The following PCDHGA1 variants were observed in gnomAD, a reference collection of about 807,000 sequenced individuals.
PCDHGA1 encodes protocadherin gamma subfamily A, 1, also known as protocadherin gamma-A1.
In PCDHGA1, 32 loss-of-function variants were observed where a neutral mutation model predicts 58.0. The observed-to-expected ratio is 0.55, with a 90% CI of 0.42 to 0.74. PCDHGA1 has a LOEUF of 0.74. PCDHGA1 is among the 30% of genes least tolerant of loss of function. The pLI is 0.00. For missense variants in PCDHGA1, 1,205 were observed against 1,182.3 expected, an observed-to-expected ratio of 1.02 and a Z score of -0.28; for synonymous variants, 498 against 501.1, an observed-to-expected ratio of 0.99 and a Z score of 0.08.
In PCDHGA1 at chr5:141,389,259, G is replaced by T. The variant is rs374136353; in HGVS notation, c.2421+56154G>T. ...CTCACAGTCTTCCTATATAGTCCAC[G>T]TGGCCGAGAACAACCCGCCTGGAGC... On this transcript the variant is annotated intron_variant, in intron 1 of 3. Transcript: ENST00000517417. The T allele has an allele frequency of 1.4e-5, 22 of 1,613,888 alleles. No individual in the cohort carries two copies. The African/African-American group carries it at 2.4e-4, about 18-fold the overall frequency.
chr5:141,374,941 A>G, intron 1 of PCDHGA1: 1 of 1,614,040 alleles, frequency 6.2e-7, no homozygotes, highest in Non-Finnish European at 8.5e-7. Context: ...AGATTACAGA[A>G]AAGATCTCAC....
intron 1 of PCDHGA1, chr5:141,382,678 C>T (rs1778365964): frequency 2.3e-6 from 1 of 439,006 alleles, no homozygotes; most frequent in African/African-American, 2.0e-5. Flanking sequence ...TGTTCACCAA[C>T]CAGGGAAAAA....
chr5:141,409,823 A>G, intron 1 of PCDHGA1: 2 of 1,610,784 alleles, frequency 1.2e-6, no homozygotes, highest in Non-Finnish European at 1.7e-6. Flanking sequence ...CGGCTCGCCC[A>G]CGCTCAGCGC....
chr5:141,408,660 C>A, intron 1 of PCDHGA1: 3 of 1,613,980 alleles, frequency 1.9e-6, no homozygotes, highest in Non-Finnish European at 1.7e-6. Flanking sequence ...ACACGACTAT[C>A]GCTTGACCCT....
intron 1 of PCDHGA1, chr5:141,376,311 T>A: frequency 1.2e-6 from 2 of 1,613,882 alleles, no homozygotes; most frequent in Non-Finnish European, 1.7e-6. Context: ...TTTGTGGGCG[T>A]GGAAGGGGTT....
chr5:141,400,212 C>G (rs773459521), intron 1 of PCDHGA1: 4 of 1,614,058 alleles, frequency 2.5e-6, no homozygotes, highest in Non-Finnish European at 3.4e-6. Context: ...TGGCCTTGAT[C>G]TCAGTGCTCT....
intron 1 of PCDHGA1, chr5:141,419,798 A>G: frequency 6.2e-7 from 1 of 1,614,050 alleles, no homozygotes; most frequent in Admixed American, 1.7e-5. Flanking sequence ...AGTCGCTGTA[A>G]GAGATGGAGG....
intron 1 of PCDHGA1, chr5:141,393,251 G>T: frequency 5.6e-6 from 9 of 1,613,814 alleles, no homozygotes; most frequent in Non-Finnish European, 6.8e-6. Flanking sequence ...ACGAAATCGC[G>T]GTTCCTGGAG....
chr5:141,332,407 G>T lies in PCDHGA1; in HGVS notation c.1723G>T (p.Val575Leu), dbSNP rs947751971. ...CCTCCCCACAGATGGTTCTACCGGC[G>T]TGGAGCTGGCGCCCCTCTCCGCAGA... ...PALPTDGSTGVELAPLSAEPG... is the reference protein window; with the variant it reads ...PALPTDGSTGLELAPLSAEPG... Residue 575 changes from valine to leucine, a missense_variant, in exon 1 of 4, where the codon GTG becomes TTG. Val to Leu is a conservative substitution (Grantham distance 32). Transcript: ENST00000517417. This position sits in a 1 kb window ranked among gnomAD's most constrained non-coding sequence, Gnocchi z 4.6. 8.1e-6 allele frequency: 13 copies of T among 1,614,032 alleles called. No individual in the cohort carries two copies. The highest frequency in any genetic ancestry group is 1.0e-5 in the Non-Finnish European group (12 of 1,180,056).
At chr5:141,445,632 T>C (rs940642775) in intron 1 of PCDHGA1, among the ~76,000 whole-genome samples, 19 of 152,116 alleles carry the variant, frequency 1.2e-4, no homozygotes, top group Admixed American at 1.1e-3. Flanking sequence ...GAAAGTGATA[T>C]TTAGAGAGAT....
intron 1 of PCDHGA1, among the ~76,000 whole-genome samples, chr5:141,448,711 C>T (rs62379167): frequency 0.23 from 35,567 of 151,844 alleles, 4,336 homozygotes; most frequent in Admixed American, 0.32. Context: ...GAGGCCGAGG[C>T]GGGAGGATCA....
intron 1 of PCDHGA1, chr5:141,404,954 A>C: frequency 6.2e-7 from 1 of 1,613,952 alleles, no homozygotes; most frequent in Non-Finnish European, 8.5e-7. Flanking sequence ...AGCTGACAGC[A>C]TCCCAGACAT....
chr5:141,359,465 A>G lies in PCDHGA1; in HGVS notation c.2421+26360A>G, dbSNP rs577049017. Among the ~76,000 whole-genome samples the G allele has an allele frequency of 2.5e-3, 386 of 151,750 alleles. 1 individual carries two copies. The highest frequency in any genetic ancestry group is 8.7e-3 in the African/African-American group (360 of 41,298). ...CTTTTAGCAAATAACAATTTTGATT[A>G]AACAAATTGTTGTATATTCATATTA... On this transcript the variant is annotated intron_variant, in intron 1 of 3. Coordinates refer to ENST00000517417, the MANE Select transcript of PCDHGA1 (RefSeq NM_018912.3).
intron 1 of PCDHGA1, chr5:141,372,835 C>T (rs894902171): frequency 1.3e-6 from 2 of 1,535,142 alleles, no homozygotes; most frequent in Non-Finnish European, 1.8e-6. Context: ...CCTTTCCTTC[C>T]ATAAATATAA....
intron 1 of PCDHGA1, among the ~76,000 whole-genome samples, chr5:141,382,132 C>T (rs893026262): frequency 6.6e-6 from 1 of 152,070 alleles, no homozygotes; most frequent in Non-Finnish European, 1.5e-5. Flanking sequence ...CTGGCCCCCC[C>T]TCTCATTTTT....
At position 141,332,775 on chromosome 5, in the gene PCDHGA1, G is replaced by A. The variant is rs1013441301; in HGVS notation, c.2091G>A (p.Ala697=). ...TCACTCTGTACCTGGTGGTGGCGGCGGCCGCGGTCTCCTGCGTCTTCCTGG... is the reference window on the plus strand; with the variant it reads ...TCACTCTGTACCTGGTGGTGGCGGCAGCCGCGGTCTCCTGCGTCTTCCTGG... ...SDLTLYLVVA[A]AAVSCVFLAF... is the part of the protein sequence containing the mutation. Residue 697 remains alanine, a synonymous_variant, in exon 1 of 4, where the codon GCG becomes GCA. Coordinates refer to ENST00000517417, the MANE Select transcript of PCDHGA1 (RefSeq NM_018912.3). This position sits in a 1 kb window ranked among gnomAD's most constrained non-coding sequence, Gnocchi z 4.6. The A allele has an allele frequency of 1.9e-6, 3 of 1,614,100 alleles. No homozygotes were observed. Among genetic ancestry groups the A allele is most frequent in the Non-Finnish European group, 2.5e-6 (3 of 1,179,994 alleles).
intron 1 of PCDHGA1, among the ~76,000 whole-genome samples, chr5:141,348,696 G>A (rs1430735033): frequency 6.6e-6 from 1 of 152,054 alleles, no homozygotes; most frequent in African/African-American, 2.4e-5. Context: ...TTTGAAGAAT[G>A]GGCAAGAATC....
At chr5:141,421,354 G>T in intron 1 of PCDHGA1, 2 of 1,613,980 alleles carry the variant, frequency 1.2e-6, no homozygotes, top group Non-Finnish European at 1.7e-6. Context: ...GACCGAAAAG[G>T]GCTCCTTCGT....
At chr5:141,421,325 G>T in intron 1 of PCDHGA1, 1 of 1,613,906 alleles carries the variant, frequency 6.2e-7, no homozygotes, top group Non-Finnish European at 8.5e-7. Flanking sequence ...AGGCAGATCC[G>T]ATATTCGGTG....
Sources: allele counts gnomAD v4.1 joint callset (sites outside exome capture counted in the v4.1 genomes callset), GRCh38; gene constraint gnomAD v4.1.1; non-coding constraint Gnocchi (gnomAD v3.1); transcripts MANE v1.5; gene names NCBI Gene and HGNC (gene_info 2026-07-23, HGNC 2026-07-21).